Variants in SLC14A2 observed in about 807,000 individuals in gnomAD.
SLC14A2 encodes urea transporter 2.
SLC14A2 carries 91 observed loss-of-function variants against 104.6 expected under a neutral mutation model. That is an observed-to-expected ratio of 0.87 (90% CI 0.73 to 1.04). The LOEUF (loss-of-function observed/expected upper bound fraction) is 1.04, where lower values mean the gene tolerates loss of function less well. Ranked by LOEUF, SLC14A2 falls within the 50% of genes least tolerant of loss-of-function variation. SLC14A2 has a pLI of 0.00. For missense variants in SLC14A2, 1,189 were observed against 1,156.0 expected (o/e 1.03, Z -0.41); for synonymous variants, 476 against 466.4 (o/e 1.02, Z -0.27).
At chr18:45,412,851 G>A (rs1181232665) in intron 1 of SLC14A2, among the ~76,000 whole-genome samples, 1 of 152,206 alleles carries the variant, frequency 6.6e-6, no homozygotes, top group African/African-American at 2.4e-5. Context: ...AGGTGACAGG[G>A]TGGAAGTGTG....
At chr18:45,414,596 T>TA (rs200138739) in intron 1 of SLC14A2, among the ~76,000 whole-genome samples, 3,976 of 143,352 alleles carry the variant, frequency 0.028, 99 homozygotes, top group South Asian at 0.087. Flanking sequence ...ATCCAGAACT[T>TA]AAAAAAAAAA....
At chr18:45,406,540 A>C (rs939191510) in intron 1 of SLC14A2, among the ~76,000 whole-genome samples, 4 of 152,220 alleles carry the variant, frequency 2.6e-5, no homozygotes, top group Non-Finnish European at 5.9e-5. Flanking sequence ...CATCTAGAAC[A>C]GTGAATCCTC....
At chr18:45,539,912 A>T (rs928524251) in intron 2 of SLC14A2, among the ~76,000 whole-genome samples, 6 of 141,570 alleles carry the variant, frequency 4.2e-5, no homozygotes, top group Admixed American at 1.4e-4. Flanking sequence ...AAAAAAATTT[A>T]AAAAAAACAG....
chr18:45,578,502 C>T (rs1320299312), intron 2 of SLC14A2, among the ~76,000 whole-genome samples: 1 of 152,152 alleles, frequency 6.6e-6, no homozygotes, highest in Non-Finnish European at 1.5e-5. Flanking sequence ...TCCAGGGCCC[C>T]CCAGGGACCA....
chr18:45,464,064 G>GT (rs2087094817), intron 1 of SLC14A2, among the ~76,000 whole-genome samples: 1 of 152,176 alleles, frequency 6.6e-6, no homozygotes, highest in South Asian at 2.1e-4. Flanking sequence ...CAACCAAATG[G>GT]TCTGGGCAGA....
At chr18:45,195,209 G>C in the SLC14A2 span, among the ~76,000 whole-genome samples, 5 of 152,168 alleles carry the variant, frequency 3.3e-5, no homozygotes, top group African/African-American at 1.2e-4. Context: ...TCTGGCCACA[G>C]TGTTTCATAA....
chr18:45,397,011 G>T (rs564114260), intron 1 of SLC14A2, among the ~76,000 whole-genome samples: 1 of 152,174 alleles, frequency 6.6e-6, no homozygotes, highest in African/African-American at 2.4e-5. Flanking sequence ...TCTTTTTATG[G>T]TGACATAGTA....
intron 1 of SLC14A2, among the ~76,000 whole-genome samples, chr18:45,327,467 T>A (rs1001434723): frequency 6.6e-6 from 1 of 152,072 alleles, no homozygotes; most frequent in Non-Finnish European, 1.5e-5. Flanking sequence ...TCTCCAGACC[T>A]TTTTCATCAT....
chr18:45,375,892 C>A (rs2085769237), intron 1 of SLC14A2, among the ~76,000 whole-genome samples: 3 of 152,214 alleles, frequency 2.0e-5, no homozygotes, highest in Admixed American at 6.5e-5. Context: ...CAGGGGCTCC[C>A]TGTGTCACCC....
chr18:45,492,391 C>T (rs2043018036), intron 2 of SLC14A2, among the ~76,000 whole-genome samples: 1 of 152,148 alleles, frequency 6.6e-6, no homozygotes, highest in Admixed American at 6.5e-5. Flanking sequence ...AGGAAACTTA[C>T]AATCATGGTG....
At chr18:45,353,191 T>C (rs2085519620) in intron 1 of SLC14A2, among the ~76,000 whole-genome samples, 1 of 152,204 alleles carries the variant, frequency 6.6e-6, no homozygotes, top group Non-Finnish European at 1.5e-5. Context: ...GACTCAAATA[T>C]AGAAGTACGG....
intron 2 of SLC14A2, among the ~76,000 whole-genome samples, chr18:45,587,385 G>T (rs2044582321): frequency 6.6e-6 from 1 of 152,110 alleles, no homozygotes; most frequent in Non-Finnish European, 1.5e-5. Context: ...TCAACACCAG[G>T]GTTGAGAACC....
chr18:45,556,510 C>A (rs1286068966), intron 2 of SLC14A2, among the ~76,000 whole-genome samples: 3 of 152,184 alleles, frequency 2.0e-5, no homozygotes, highest in Non-Finnish European at 2.9e-5. Context: ...TCAAGGAGGT[C>A]TGGGTTCTCG....
At chr18:45,279,124 C>G (rs916108738) in intron 1 of SLC14A2, among the ~76,000 whole-genome samples, 21 of 152,154 alleles carry the variant, frequency 1.4e-4, no homozygotes, top group Non-Finnish European at 2.6e-4. Flanking sequence ...TTCAGCTCCC[C>G]CTCAGCAGAC....
upstream of SLC14A2, among the ~76,000 whole-genome samples, chr18:45,209,700 T>C (rs964522547): frequency 1.3e-5 from 2 of 152,206 alleles, no homozygotes; most frequent in Non-Finnish European, 2.9e-5. Flanking sequence ...TCTTCATTCA[T>C]CTTGCTAACC....
At chr18:45,589,013 AAG>A (rs2044610338) in intron 2 of SLC14A2, among the ~76,000 whole-genome samples, 1 of 152,066 alleles carries the variant, frequency 6.6e-6, no homozygotes, top group Non-Finnish European at 1.5e-5. Flanking sequence ...TGACTGAACA[AAG>A]AGAGCAAAGG....
chr18:45,214,120 A>G (rs1318605106), intron 1 of SLC14A2, among the ~76,000 whole-genome samples: 1 of 152,184 alleles, frequency 6.6e-6, no homozygotes, highest in Non-Finnish European at 1.5e-5. Flanking sequence ...CTACGTTAAT[A>G]AGCCAAATCT....
chr18:45,633,664 T>A (rs1433540812), intron 5 of SLC14A2, among the ~76,000 whole-genome samples: 1 of 152,240 alleles, frequency 6.6e-6, no homozygotes, highest in Non-Finnish European at 1.5e-5. Context: ...ACAGTGTGAT[T>A]TATTCTTATT....
intron 2 of SLC14A2, among the ~76,000 whole-genome samples, chr18:45,591,424 C>T (rs2044644749): frequency 6.6e-6 from 1 of 152,172 alleles, no homozygotes; most frequent in Non-Finnish European, 1.5e-5. Context: ...CAACTTCCGC[C>T]TCCCGGGTTC....
Sources: gnomAD v4.1 joint callset for allele counts (sites outside exome capture counted in the v4.1 genomes callset) on GRCh38, gnomAD v4.1.1 for gene constraint, MANE v1.5 for transcripts, NCBI Gene and HGNC (gene_info 2026-07-23, HGNC 2026-07-21) for gene names.